The following GNE variants were observed in gnomAD, a reference collection of about 807,000 sequenced individuals.
GNE encodes the protein glucosamine (UDP-N-acetyl)-2-epimerase/N-acetylmannosamine kinase, also known as bifunctional UDP-N-acetylglucosamine 2-epimerase/N-acetylmannosamine kinase.
Under a neutral mutation model 61.8 loss-of-function variants are expected in GNE, and 41 were observed. That is an observed-to-expected ratio of 0.66 (90% CI 0.52 to 0.86). GNE has a LOEUF of 0.86. GNE is among the 40% of genes least tolerant of loss of function. GNE has a pLI of 0.00. For synonymous variants in GNE, 264 were observed against 326.4 expected (o/e 0.81, Z 2.06); for missense variants, 608 against 909.1 (o/e 0.67, Z 4.26).
In GNE at chr9:36,218,428, C is replaced by T. The variant is rs1278542195; in HGVS notation, c.1817-129G>A. On this transcript the variant is annotated intron_variant, in intron 10 of 11. Coordinates refer to ENST00000642385, the MANE Select transcript of GNE (RefSeq NM_005476.7). This position sits in a 1 kb window ranked among gnomAD's most constrained non-coding sequence, Gnocchi z 4.1. The stretch of plus-strand genomic sequence containing the variant: ...TTCTTTTCACAATTGCAAAGCTTAT[C>T]GTTCACAAACATCTCTATACACTGC... The T allele has an allele frequency of 2.1e-5, 15 of 719,574 alleles. No homozygotes were observed. The highest frequency in any genetic ancestry group is 3.0e-5 in the Non-Finnish European group (12 of 398,008). 44.6% of individuals were successfully genotyped at this position (719,574 alleles called of 1,614,324 possible).
At chr9:36,225,905 C>G (rs993983679) in intron 7 of GNE, among the ~76,000 whole-genome samples, 3 of 147,460 alleles carry the variant, frequency 2.0e-5, no homozygotes, top group Middle Eastern at 3.4e-3. Context: ...CCCAGAGACT[C>G]TAATTTAACC....
intron 1 of GNE, among the ~76,000 whole-genome samples, chr9:36,273,049 C>T (rs1831103147): frequency 6.6e-6 from 1 of 151,356 alleles, no homozygotes; most frequent in Non-Finnish European, 1.5e-5. Flanking sequence ...TGCACCACTG[C>T]ACTTAGAGAA....
rs1828270512 is a variant in GNE at position 36,216,255 on chromosome 9, C to G, written c.*1110G>C. 2.2e-6 allele frequency: 1 copy of G among 454,874 alleles called. No homozygotes were observed. The highest frequency in any genetic ancestry group is 4.4e-6 in the Non-Finnish European group (1 of 226,520). 28.2% of individuals were successfully genotyped at this position (454,874 alleles called of 1,614,324 possible). ...AAAAAAAAGTGTACTTAAGCCCTTC[C>G]TGGTAAGATTTCCCTCTGTTCTCTG... On this transcript the variant is annotated 3_prime_UTR_variant, in exon 12 of 12. Transcript: ENST00000642385.
chr9:36,265,424 G>C, intron 1 of GNE: 1 of 456,690 alleles, frequency 2.2e-6, no homozygotes, highest in South Asian at 1.5e-5. Context: ...TTTCTAGGGA[G>C]ATGGAAGGGA....
chr9:36,258,847 A>G (rs1830510301), upstream of GNE, among the ~76,000 whole-genome samples: 1 of 152,224 alleles, frequency 6.6e-6, no homozygotes, highest in Admixed American at 6.5e-5. Context: ...ACTGTCGTGT[A>G]GCGCGGCCAC....
intron 7 of GNE, among the ~76,000 whole-genome samples, chr9:36,226,306 G>A (rs1161051339): frequency 6.6e-6 from 1 of 151,790 alleles, no homozygotes; most frequent in African/African-American, 2.4e-5. Context: ...CCAAGTAGCT[G>A]GGATTACAGG....
In GNE at chr9:36,247,732, T is replaced by TA. The variant is rs1267879611; in HGVS notation, c.165-1251dup. The stretch of plus-strand genomic sequence containing the variant: ...TAAATAGCCAGAATTCATTTTATAT[T>TA]AAAAAAAAATCTGGACGGACGCAGT... On this transcript the variant is annotated intron_variant, in intron 2 of 11. Coordinates refer to ENST00000642385, the MANE Select transcript of GNE (RefSeq NM_005476.7). Among the ~76,000 whole-genome samples the TA allele has an allele frequency of 6.6e-5, 10 of 151,380 alleles. No homozygotes were observed. In the South Asian group the frequency reaches 1.7e-3, roughly 25 times the overall value.
chr9:36,229,885 C>A (rs189199035), intron 5 of GNE, among the ~76,000 whole-genome samples: 1 of 151,834 alleles, frequency 6.6e-6, no homozygotes, highest in Admixed American at 6.6e-5. Context: ...CATTTATATA[C>A]GTTTATTTAA....
chr9:36,214,504 T>A lies in GNE; in HGVS notation c.*2861A>T, dbSNP rs759228247. 1.3e-5 allele frequency: 2 copies of A among 152,180 alleles called. No individual in the cohort carries two copies. Among genetic ancestry groups the A allele is most frequent in the Non-Finnish European group, 2.9e-5 (2 of 68,044 alleles). 9.4% of individuals were successfully genotyped at this position (152,180 alleles called of 1,614,324 possible). On this transcript the variant is annotated 3_prime_UTR_variant, in exon 12 of 12. Coordinates refer to ENST00000642385, the MANE Select transcript of GNE (RefSeq NM_005476.7). ...TGGCTCAGAACAGTAACAAAAATAT[T>A]TACATTAAAATAAATTAACATGCAA...
intron 1 of GNE, among the ~76,000 whole-genome samples, chr9:36,266,556 C>G (rs1294607707): frequency 1.3e-5 from 2 of 151,112 alleles, no homozygotes; most frequent in Non-Finnish European, 3.0e-5. Context: ...GGTGGATCAC[C>G]TGAGGTCAGG....
intron 3 of GNE, among the ~76,000 whole-genome samples, chr9:36,244,787 A>G (rs924679508): frequency 5.3e-5 from 8 of 151,036 alleles, no homozygotes; most frequent in Non-Finnish European, 8.8e-5. Context: ...AATACAAAAA[A>G]AAATTAGCCA....
chr9:36,269,175 C>G, intron 1 of GNE, among the ~76,000 whole-genome samples: 1 of 147,288 alleles, frequency 6.8e-6, no homozygotes, highest in East Asian at 2.0e-4. Context: ...GCCTCAACCT[C>G]TCTCTCTCCT....
Position 36,236,824 on chromosome 9 carries a change from T to G in GNE, c.769+8A>C. ...AGGTGGCATAATTTCATTTTCAAGTTCAATTACCTGCGTCAATATTTGGAA... is the reference window on the plus strand; with the variant it reads ...AGGTGGCATAATTTCATTTTCAAGTGCAATTACCTGCGTCAATATTTGGAA... On this transcript the variant is annotated splice_region_variant and intron_variant, in intron 4 of 11. Coordinates refer to ENST00000642385, the MANE Select transcript of GNE (RefSeq NM_005476.7). The G allele has an allele frequency of 6.2e-7, 1 of 1,613,144 alleles. No homozygotes were observed. The highest frequency in any genetic ancestry group is 8.5e-7 in the Non-Finnish European group (1 of 1,179,204).
intron 9 of GNE, among the ~76,000 whole-genome samples, chr9:36,222,246 G>A (rs1363100241): frequency 6.6e-6 from 1 of 151,828 alleles, no homozygotes; most frequent in East Asian, 1.9e-4. Flanking sequence ...GTGAAACCCC[G>A]TCTCTACTAA....
intron 3 of GNE, among the ~76,000 whole-genome samples, chr9:36,240,586 T>C (rs1419803737): frequency 1.3e-5 from 2 of 152,212 alleles, no homozygotes. Flanking sequence ...TTAGCATCTA[T>C]GTTCATCAAG....
chr9:36,274,849 C>CGG (rs1700607464), intron 1 of GNE, among the ~76,000 whole-genome samples: 1 of 151,604 alleles, frequency 6.6e-6, no homozygotes, highest in African/African-American at 2.4e-5. Context: ...CAGCCTCCCG[C>CGG]GTAGCTGGGA....
At chr9:36,267,971 C>G (rs1830871116) in intron 1 of GNE, 1 of 151,948 alleles carries the variant, frequency 6.6e-6, no homozygotes, top group African/African-American at 2.4e-5. Flanking sequence ...CCTGTCTCTA[C>G]AAAAAATATT....
chr9:36,231,176 AAC>A (rs565445000), intron 5 of GNE, among the ~76,000 whole-genome samples: 38 of 152,230 alleles, frequency 2.5e-4, no homozygotes, highest in African/African-American at 8.4e-4. Flanking sequence ...AAACAAACAA[AAC>A]ACAGACTGGG....
In GNE at chr9:36,236,876, G is replaced by C; in HGVS notation, c.725C>G (p.Ser242Ter). 6.2e-7 allele frequency: 1 copy of C among 1,613,568 alleles called. No individual in the cohort carries two copies. The highest frequency in any genetic ancestry group is 1.1e-5 in the South Asian group (1 of 91,082). The change falls in exon 4 of 12, where the codon TCA (serine) becomes TGA (stop). Residue 242 changes from serine to a stop codon, truncating the protein, a stop_gained. Coordinates refer to ENST00000642385, the MANE Select transcript of GNE (RefSeq NM_005476.7). LOFTEE classifies it high-confidence loss of function. ...MFELTLDALI[S>*]FNKRTLVLFP... ...CAGGACTAGGGTCCGCTTGTTAAATGAGATAAGTGCATCCAATGTTAATTC... is the reference window on the plus strand; with the variant it reads ...CAGGACTAGGGTCCGCTTGTTAAATCAGATAAGTGCATCCAATGTTAATTC...
Sources: gnomAD v4.1 joint callset for allele counts (sites outside exome capture counted in the v4.1 genomes callset) on GRCh38, gnomAD v4.1.1 for gene constraint, Gnocchi (gnomAD v3.1) non-coding constraint, MANE v1.5 for transcripts, NCBI Gene and HGNC (gene_info 2026-07-23, HGNC 2026-07-21) for gene names.